The following TNFRSF8 variants were observed in gnomAD, a reference collection of about 807,000 sequenced individuals.
TNFRSF8 encodes tumor necrosis factor receptor superfamily member 8.
A neutral mutation model predicts 70.8 loss-of-function variants in TNFRSF8; 26 were observed. The observed-to-expected ratio is 0.37, with a 90% CI of 0.27 to 0.51. The LOEUF is 0.51. Among genes scored for constraint, TNFRSF8 ranks in the 20% least tolerant of loss-of-function variants. TNFRSF8 has a pLI of 0.94. For missense variants in TNFRSF8, 720 were observed against 807.9 expected (o/e 0.89, Z 1.32); for synonymous variants, 356 against 339.2 (o/e 1.05, Z -0.54).
chr1:12,133,633 G>A (rs1293025782), intron 12 of TNFRSF8, among the ~76,000 whole-genome samples: 110 of 151,276 alleles, frequency 7.3e-4, no homozygotes, highest in African/African-American at 2.5e-3. Context: ...CCAGCTACTC[G>A]GGAGGCTGAG....
chr1:12,083,103 A>G (rs533074661), intron 1 of TNFRSF8, among the ~76,000 whole-genome samples: 1 of 152,368 alleles, frequency 6.6e-6, no homozygotes, highest in Admixed American at 6.5e-5. Flanking sequence ...AAAAACCACA[A>G]TGAGGTATCA....
rs907177321 is a variant in TNFRSF8, at chr1:12,104,252, G to A, written c.269-127G>A. 19 of 949,488 alleles carry A rather than the reference G, an allele frequency of 2.0e-5. No individual in the cohort carries two copies. In the South Asian group the frequency reaches 2.1e-4, roughly 10 times the overall value. The allele number at this position is 949,488 out of a possible 1,614,324, so 58.8% of individuals were successfully genotyped here. A position where few individuals can be genotyped will look rare whatever the true frequency, so the allele number is the denominator to read the frequency against. On this transcript the variant is annotated intron_variant, in intron 3 of 14. Transcript: ENST00000263932. ...TTTAATCCAATTTTAGTGGTCACCA[G>A]GGGGTTGAGCTGGGAGGCGGAGGCT...
intron 1 of TNFRSF8, among the ~76,000 whole-genome samples, chr1:12,081,854 AGCC>A (rs952213551): frequency 1.3e-5 from 2 of 152,000 alleles, no homozygotes; most frequent in African/African-American, 2.4e-5. Context: ...AAACCAAGAA[AGCC>A]CCACATCGCA....
chr1:12,113,872 C>A lies in TNFRSF8; in HGVS notation c.794-1705C>A, dbSNP rs957132697. On this transcript the variant is annotated intron_variant, in intron 7 of 14. Coordinates refer to ENST00000263932, the MANE Select transcript of TNFRSF8 (RefSeq NM_001243.5). This position sits in a 1 kb window ranked among gnomAD's most constrained non-coding sequence, Gnocchi z 4.9. ...TACCACTTTCTGTTTGTTGAGGCAA[C>A]CACAAATGTCACTTGAGACCAAGGG... Among the ~76,000 whole-genome samples, 11 of 152,202 alleles carry A rather than the reference C, an allele frequency of 7.2e-5. No individual in the cohort carries two copies. Among genetic ancestry groups the A allele is most frequent in the African/African-American group, 2.7e-4 (11 of 41,454 alleles).
At chr1:12,127,355 G>A (rs1641960524) in intron 12 of TNFRSF8, among the ~76,000 whole-genome samples, 1 of 152,252 alleles carries the variant, frequency 6.6e-6, no homozygotes, top group Admixed American at 6.5e-5. Context: ...CAGCAAGGTG[G>A]ACGGCTGGCC....
At chr1:12,105,818 A>C (rs2100997580) in intron 4 of TNFRSF8, among the ~76,000 whole-genome samples, 1 of 152,118 alleles carries the variant, frequency 6.6e-6, no homozygotes, top group African/African-American at 2.4e-5. Flanking sequence ...GGTGCCCTGT[A>C]ATTCCATTTA....
At chr1:12,130,823 C>T (rs915667436) in intron 12 of TNFRSF8, among the ~76,000 whole-genome samples, 1 of 152,208 alleles carries the variant, frequency 6.6e-6, no homozygotes, top group African/African-American at 2.4e-5. Context: ...GGCAAGGAAA[C>T]CAACAAATAA....
rs1287599643 is a variant in TNFRSF8, at chr1:12,138,382, C to A, written c.1489C>A (p.Pro497Thr). The A allele has an allele frequency of 3.1e-6, 5 of 1,613,614 alleles. No individual in the cohort carries two copies. Among genetic ancestry groups the A allele is most frequent in the Non-Finnish European group, 4.2e-6 (5 of 1,179,844 alleles). The change falls in exon 14 of 15, where the codon CCC becomes ACC. Residue 497 changes from proline to threonine, a missense_variant. Coordinates refer to ENST00000263932, the MANE Select transcript of TNFRSF8 (RefSeq NM_001243.5). The surrounding 1 kb of genome is among the most constrained non-coding windows in gnomAD (Gnocchi z 5.7). Reference protein sequence around the residue: ...DASPAGGPSSPRDLPEPRVST... With the variant: ...DASPAGGPSSTRDLPEPRVST... Reference sequence around the variant, plus strand: ...CAGCCCGGCCGGGGGCCCCTCGTCCCCCAGGGACCTTCCTGAGCCCCGGGT... The same window carrying A: ...CAGCCCGGCCGGGGGCCCCTCGTCCACCAGGGACCTTCCTGAGCCCCGGGT...
At chr1:12,092,291 AC>A (rs1465546774) in intron 2 of TNFRSF8, among the ~76,000 whole-genome samples, 7 of 151,368 alleles carry the variant, frequency 4.6e-5, no homozygotes, top group Non-Finnish European at 1.0e-4. Flanking sequence ...TGATCCTCCC[AC>A]CTCAGCCTTT....
At chr1:12,134,403 C>T (rs1024502478) in intron 12 of TNFRSF8, among the ~76,000 whole-genome samples, 10 of 152,106 alleles carry the variant, frequency 6.6e-5, no homozygotes, top group Admixed American at 2.0e-4. Context: ...GTTAGATGCC[C>T]GGATGCCCTC....
chr1:12,101,719 TG>T (rs1641426725), intron 3 of TNFRSF8, among the ~76,000 whole-genome samples: 1 of 152,138 alleles, frequency 6.6e-6, no homozygotes, highest in South Asian at 2.1e-4. Context: ...CCTGCTCTGT[TG>T]CCCAGGCTGG....
chr1:12,093,249 A>G (rs1476083065), intron 2 of TNFRSF8, among the ~76,000 whole-genome samples: 1 of 152,136 alleles, frequency 6.6e-6, no homozygotes, highest in Admixed American at 6.6e-5. Flanking sequence ...TCCAGCATAT[A>G]TATTTTTTTG....
chr1:12,111,635 G>C (rs1266664900), intron 6 of TNFRSF8, among the ~76,000 whole-genome samples: 1 of 152,182 alleles, frequency 6.6e-6, no homozygotes, highest in Non-Finnish European at 1.5e-5. Flanking sequence ...GACAGGGTTG[G>C]GGGAAGCTGT....
At position 12,112,123 on chromosome 1, in the gene TNFRSF8, C is replaced by T. The variant is rs1350040448; in HGVS notation, c.793+109C>T. On this transcript the variant is annotated intron_variant, in intron 7 of 14. Coordinates refer to ENST00000263932, the MANE Select transcript of TNFRSF8 (RefSeq NM_001243.5). The surrounding 1 kb of genome is among the most constrained non-coding windows in gnomAD (Gnocchi z 5.3). ...GTTTGTGGGTTTTTGATGGGGGTCG[C>T]CTCTTTTCAGAGGGCTTCCATTGGC... The T allele has an allele frequency of 5.3e-6, 4 of 748,700 alleles. No homozygotes were observed. In the East Asian group the frequency reaches 8.1e-5, roughly 15 times the overall value. The allele number at this position is 748,700 out of a possible 1,614,324, so 46.4% of individuals were successfully genotyped here. A position where few individuals can be genotyped will look rare whatever the true frequency, so the allele number is the denominator to read the frequency against.
intron 1 of TNFRSF8, among the ~76,000 whole-genome samples, chr1:12,066,902 C>T (rs1008293589): frequency 2.6e-4 from 40 of 152,230 alleles, no homozygotes; most frequent in East Asian, 1.9e-4. Flanking sequence ...ATCCTCCCAC[C>T]TCGGCATCCC....
rs761916034 is a variant in TNFRSF8, at chr1:12,084,554, G to A, written c.151+3G>A. ...GTGCTGTTACCGCTGCCCCATGGGT[G>A]AGTGGGGGCGTTGGGGGTGGGGAGA... On this transcript the variant is annotated splice_donor_region_variant and intron_variant, in intron 2 of 14. Transcript: ENST00000263932. 3.6e-5 allele frequency: 58 copies of A among 1,613,510 alleles called. No homozygotes were observed. Among genetic ancestry groups the A allele is most frequent in the East Asian group, 6.7e-5 (3 of 44,888 alleles).
intron 1 of TNFRSF8, among the ~76,000 whole-genome samples, chr1:12,078,171 A>G (rs531739671): frequency 1.2e-4 from 18 of 152,238 alleles, no homozygotes; most frequent in African/African-American, 4.3e-4. Flanking sequence ...GATGGCGGGA[A>G]GGTGAGGAAG....
At chr1:12,107,966 A>G (rs1641556104) in intron 4 of TNFRSF8, among the ~76,000 whole-genome samples, 1 of 152,132 alleles carries the variant, frequency 6.6e-6, no homozygotes, top group Non-Finnish European at 1.5e-5. Flanking sequence ...GAAATGTCTA[A>G]GCTTAGGTGT....
At chr1:12,124,464 A>G (rs1306950089) in intron 10 of TNFRSF8, among the ~76,000 whole-genome samples, 7 of 152,204 alleles carry the variant, frequency 4.6e-5, no homozygotes, top group Non-Finnish European at 1.0e-4. Context: ...TCTCATCTAT[A>G]CAATGGTAAT....
Sources: gnomAD v4.1 joint callset for allele counts (sites outside exome capture counted in the v4.1 genomes callset) on GRCh38, gnomAD v4.1.1 for gene constraint, Gnocchi (gnomAD v3.1) non-coding constraint, MANE v1.5 for transcripts, NCBI Gene and HGNC (gene_info 2026-07-23, HGNC 2026-07-21) for gene names.